Variants in MOXD1 observed in about 807,000 individuals in gnomAD.
MOXD1 encodes the protein DBH-like monooxygenase protein 1.
In MOXD1, 62 loss-of-function variants were observed where a neutral mutation model predicts 66.6. That is an observed-to-expected ratio of 0.93 (90% confidence interval 0.76 to 1.15). The LOEUF (loss-of-function observed/expected upper bound fraction) is 1.15, where lower values mean the gene tolerates loss of function less well. MOXD1 is among the 50% of genes most tolerant of loss of function. The probability of loss-of-function intolerance (pLI) is 0.00; values close to 1 mark genes in which losing one functional copy is unlikely to be tolerated. For synonymous variants in MOXD1, 303 were observed against 281.9 expected (o/e 1.07, Z -0.75); for missense variants, 847 against 754.6 (o/e 1.12, Z -1.44).
At position 132,401,314 on chromosome 6, in the gene MOXD1, C is replaced by T. The variant is rs778539217; in HGVS notation, c.113G>A (p.Trp38Ter). 6.3e-7 allele frequency: 1 copy of T among 1,593,912 alleles called. No individual in the cohort carries two copies. Among genetic ancestry groups the T allele is most frequent in the Non-Finnish European group, 8.5e-7 (1 of 1,174,964 alleles). Residue 38 changes from tryptophan to a stop codon, truncating the protein, a stop_gained, in exon 1 of 12, where the codon TGG becomes TAG. Transcript: ENST00000367963. LOFTEE classifies it high-confidence loss of function. Reference protein sequence around the residue: ...RTLLDSEGKYWLGWSQRGSQI... With the variant: ...RTLLDSEGKY Reference sequence around the variant, plus strand: ...GCTGCCCCGCTGGCTCCAGCCCAGCCAGTACTTGCCCTCCGAGTCCAGGAG... The same window carrying T: ...GCTGCCCCGCTGGCTCCAGCCCAGCTAGTACTTGCCCTCCGAGTCCAGGAG...
chr6:132,385,461 AATTATTATTATTATTATT>A (rs71030795), intron 1 of MOXD1, among the ~76,000 whole-genome samples: 4 of 133,590 alleles, frequency 3.0e-5, no homozygotes, highest in African/African-American at 1.1e-4. Context: ...AATATACTGA[AATTATTATTATTATTATT>A]ATTATTATTA....
At chr6:132,298,352 G>C (rs373399297) in intron 10 of MOXD1, among the ~76,000 whole-genome samples, 2 of 152,064 alleles carry the variant, frequency 1.3e-5, no homozygotes, top group Non-Finnish European at 2.9e-5. Flanking sequence ...GTCTCAGAAA[G>C]CTTCTACAGA....
At chr6:132,312,956 G>C (rs914392875) in intron 10 of MOXD1, among the ~76,000 whole-genome samples, 1 of 151,974 alleles carries the variant, frequency 6.6e-6, no homozygotes, top group Non-Finnish European at 1.5e-5. Flanking sequence ...ATGAGAAAAA[G>C]ACTACTCAAG....
At chr6:132,299,046 G>A (rs2114520219) in intron 10 of MOXD1, among the ~76,000 whole-genome samples, 1 of 152,248 alleles carries the variant, frequency 6.6e-6, no homozygotes, top group South Asian at 2.1e-4. Flanking sequence ...AGGTGGACTA[G>A]ATAAAGAAAA....
At chr6:132,397,653 A>C (rs1776920411) in intron 1 of MOXD1, among the ~76,000 whole-genome samples, 1 of 119,766 alleles carries the variant, frequency 8.3e-6, no homozygotes, top group South Asian at 2.6e-4. Context: ...AAAGAAAGAA[A>C]GAAAGAAAGA....
At chr6:132,333,856 C>T (rs556926414) in intron 4 of MOXD1, among the ~76,000 whole-genome samples, 1 of 152,174 alleles carries the variant, frequency 6.6e-6, no homozygotes, top group Admixed American at 6.5e-5. Flanking sequence ...AAGGAACAGC[C>T]CAGAAACCAG....
chr6:132,345,781 G>A (rs1775656949), intron 4 of MOXD1, among the ~76,000 whole-genome samples: 1 of 151,924 alleles, frequency 6.6e-6, no homozygotes, highest in Admixed American at 6.6e-5. Context: ...TATATCCTCT[G>A]AGTTTTTAGG....
chr6:132,378,085 T>C (rs1776431692), intron 1 of MOXD1, among the ~76,000 whole-genome samples: 1 of 152,022 alleles, frequency 6.6e-6, no homozygotes, highest in African/African-American at 2.4e-5. Context: ...GTGAACCAAG[T>C]TTGCGCCATT....
intron 1 of MOXD1, among the ~76,000 whole-genome samples, chr6:132,386,522 G>A (rs1324203755): frequency 6.7e-6 from 1 of 150,370 alleles, no homozygotes; most frequent in African/African-American, 2.4e-5. Context: ...TATCTATCCA[G>A]AGACCAGGCA....
chr6:132,345,917 G>A (rs902352579), intron 4 of MOXD1, among the ~76,000 whole-genome samples: 2 of 152,084 alleles, frequency 1.3e-5, no homozygotes, highest in Non-Finnish European at 2.9e-5. Context: ...CTCCTGATGG[G>A]GGGATCCCAG....
chr6:132,375,469 G>A (rs1339354806), intron 1 of MOXD1, among the ~76,000 whole-genome samples: 2 of 152,090 alleles, frequency 1.3e-5, no homozygotes, highest in Non-Finnish European at 2.9e-5. Flanking sequence ...CTGTCGCCCA[G>A]GCTGGAGTGC....
chr6:132,356,216 G>A (rs1332653026), intron 4 of MOXD1, among the ~76,000 whole-genome samples: 1 of 152,080 alleles, frequency 6.6e-6, no homozygotes, highest in Non-Finnish European at 1.5e-5. Context: ...CTTTTATCTA[G>A]GCAATTCAAT....
In MOXD1 at chr6:132,401,355, G is replaced by C; in HGVS notation, c.72C>G (p.Thr24=). ...PGTAAGGSGR[T]YPHRTLLDSE... is the part of the protein sequence containing the mutation. ...AGTCCAGGAGGGTCCGGTGCGGATA[G>C]GTTCGGCCCGAGCCCCCCGCCGCCG... The change falls in exon 1 of 12, where the codon ACC becomes ACG. Residue 24 remains threonine (T), a synonymous_variant. Transcript: ENST00000367963. 1 of 1,562,922 alleles carries C rather than the reference G, an allele frequency of 6.4e-7. No individual in the cohort carries two copies.
chr6:132,340,638 ATTTTTTTTTT>A lies in MOXD1; in HGVS notation c.664-12054_664-12045del, dbSNP rs869205496. 9.1e-5 allele frequency among the ~76,000 whole-genome samples: 9 copies of A among 98,808 alleles called. 1 individual carries two copies. Among genetic ancestry groups the A allele is most frequent in the African/African-American group, 2.7e-4 (6 of 22,542 alleles). 64.8% of individuals were successfully genotyped at this position (98,808 alleles called of 152,430 possible). On this transcript the variant is annotated intron_variant, in intron 4 of 11. Coordinates refer to ENST00000367963, the MANE Select transcript of MOXD1 (RefSeq NM_015529.4). Reference sequence around the variant, plus strand: ...ACAACATGCTAAAACAACAAGACTCATTTTTTTTTTTTTTTTTTTTTTTTTTGAGCCGGAG... The same window carrying A: ...ACAACATGCTAAAACAACAAGACTCATTTTTTTTTTTTTTTTGAGCCGGAG...
intron 1 of MOXD1, among the ~76,000 whole-genome samples, chr6:132,383,598 G>A (rs766714858): frequency 1.2e-4 from 18 of 152,072 alleles, no homozygotes; most frequent in African/African-American, 4.3e-4. Context: ...CAGTTGTCAC[G>A]TAGGATAATG....
intron 4 of MOXD1, among the ~76,000 whole-genome samples, chr6:132,331,663 A>G (rs542618192): frequency 6.6e-6 from 1 of 152,344 alleles, no homozygotes; most frequent in East Asian, 1.9e-4. Context: ...CAAATCTATA[A>G]GAAAGATGTT....
At position 132,354,717 on chromosome 6, in the gene MOXD1, C is replaced by G. The variant is rs145677434; in HGVS notation, c.663+17891G>C. Among the ~76,000 whole-genome samples the G allele has an allele frequency of 3.2e-4, 48 of 152,260 alleles. 1 individual carries two copies. In the East Asian group the frequency reaches 8.7e-3, roughly 28 times the overall value. On this transcript the variant is annotated intron_variant, in intron 4 of 11. Coordinates refer to ENST00000367963, the MANE Select transcript of MOXD1 (RefSeq NM_015529.4). ...GTGGTGGGCGGGGCCCTAGAACTCCCAAGAGTATATAGCGTTTGTCTTCAG... is the reference window on the plus strand; with the variant it reads ...GTGGTGGGCGGGGCCCTAGAACTCCGAAGAGTATATAGCGTTTGTCTTCAG...
intron 4 of MOXD1, among the ~76,000 whole-genome samples, chr6:132,329,291 G>A (rs1442163992): frequency 1.3e-5 from 2 of 152,154 alleles, no homozygotes; most frequent in Non-Finnish European, 2.9e-5. Flanking sequence ...CAAAGGACAC[G>A]AACACGAACT....
intron 1 of MOXD1, among the ~76,000 whole-genome samples, chr6:132,396,429 TA>T (rs1463468667): frequency 6.6e-6 from 1 of 151,410 alleles, no homozygotes; most frequent in Non-Finnish European, 1.5e-5. Context: ...CATCAAAAAG[TA>T]GAAAGATTTC....
Sources: gnomAD v4.1 joint callset for allele counts (sites outside exome capture counted in the v4.1 genomes callset) on GRCh38, gnomAD v4.1.1 for gene constraint, MANE v1.5 for transcripts, NCBI Gene and HGNC (gene_info 2026-07-23, HGNC 2026-07-21) for gene names.